SLC35F4: variants seen among roughly 807,000 people sequenced by gnomAD.
The protein encoded by SLC35F4 is solute carrier family 35 member F4.
Under a neutral mutation model 44.2 loss-of-function variants are expected in SLC35F4, and 24 were observed. The ratio of observed to expected loss-of-function variants is 0.54; its 90% confidence interval spans 0.39 to 0.76. The LOEUF (loss-of-function observed/expected upper bound fraction) is 0.76, where lower values mean the gene tolerates loss of function less well. Among genes scored for constraint, SLC35F4 ranks in the 30% least tolerant of loss-of-function variants. SLC35F4 has a pLI of 0.00. For synonymous variants in SLC35F4, 238 were observed against 223.6 expected, an observed-to-expected ratio of 1.06 and a Z score of -0.57; for missense variants, 562 against 586.1, an observed-to-expected ratio of 0.96 and a Z score of 0.42.
At chr14:57,656,202 C>CGT (rs995028726) in intron 1 of SLC35F4, among the ~76,000 whole-genome samples, 12 of 151,704 alleles carry the variant, frequency 7.9e-5, no homozygotes, top group Admixed American at 4.6e-4. Flanking sequence ...CTACTGGTTT[C>CGT]GTGTGTGTGT....
chr14:57,608,792 GGGGGCGGC>G (rs1204749619), intron 1 of SLC35F4, among the ~76,000 whole-genome samples: 1 of 22,302 alleles, frequency 4.5e-5, no homozygotes, highest in African/African-American at 7.2e-5. Context: ...ATGGCCGGGG[GGGGGCGGC>G]GGGGGGAGAG....
At chr14:57,885,755 G>T (rs943757479) in intron 1 of SLC35F4, among the ~76,000 whole-genome samples, 2 of 152,258 alleles carry the variant, frequency 1.3e-5, no homozygotes, top group East Asian at 3.9e-4. Flanking sequence ...AGAAAGCGCT[G>T]GTGTAGACTG....
chr14:57,702,874 G>A (rs1024562394), intron 1 of SLC35F4, among the ~76,000 whole-genome samples: 1 of 152,146 alleles, frequency 6.6e-6, no homozygotes, highest in African/African-American at 2.4e-5. Flanking sequence ...TAAAGGCAGT[G>A]GACAGTGGCC....
At chr14:57,761,084 C>T (rs1036925940) in intron 1 of SLC35F4, among the ~76,000 whole-genome samples, 2 of 152,170 alleles carry the variant, frequency 1.3e-5, no homozygotes, top group Admixed American at 1.3e-4. Flanking sequence ...AGGAAACTCT[C>T]TCTCCAGGAA....
chr14:57,676,471 G>C (rs1047609953), intron 1 of SLC35F4, among the ~76,000 whole-genome samples: 1 of 151,994 alleles, frequency 6.6e-6, no homozygotes, highest in Admixed American at 6.6e-5. Flanking sequence ...ATGCCTGCAG[G>C]GCTTAATACC....
downstream of SLC35F4, among the ~76,000 whole-genome samples, chr14:57,973,955 C>T (rs535308261): frequency 3.9e-5 from 6 of 152,254 alleles, no homozygotes; most frequent in East Asian, 3.9e-4. Flanking sequence ...CTCTCCAAAA[C>T]GGAGAGTACT....
chr14:57,696,865 C>G (rs1594819194), intron 1 of SLC35F4, among the ~76,000 whole-genome samples: 3 of 152,072 alleles, frequency 2.0e-5, no homozygotes, highest in African/African-American at 7.2e-5. Flanking sequence ...GGGAACTGAA[C>G]AATGAGAACA....
intron 6 of SLC35F4, 49 bp from the exon 7 acceptor site, chr14:57,566,613 G>A: frequency 6.6e-7 from 1 of 1,514,034 alleles, no homozygotes; most frequent in East Asian, 2.4e-5. Flanking sequence ...TAATACGCTG[G>A]ACTTTTTTCT....
upstream of SLC35F4, among the ~76,000 whole-genome samples, chr14:57,870,468 G>A (rs988986253): frequency 1.3e-5 from 2 of 152,044 alleles, no homozygotes; most frequent in African/African-American, 4.8e-5. Flanking sequence ...CCTATATAGT[G>A]GAACTATCAT....
intron 1 of SLC35F4, among the ~76,000 whole-genome samples, chr14:57,898,904 G>C (rs1888941759): frequency 6.6e-6 from 1 of 152,146 alleles, no homozygotes; most frequent in Non-Finnish European, 1.5e-5. Flanking sequence ...AAAGGGGTTG[G>C]AGTCTCCAGA....
chr14:57,654,199 G>T (rs886924368), intron 1 of SLC35F4, among the ~76,000 whole-genome samples: 2 of 152,086 alleles, frequency 1.3e-5, no homozygotes, highest in Non-Finnish European at 2.9e-5. Flanking sequence ...ACATGAATTA[G>T]TTCTTTAGTG....
At chr14:57,859,858 A>G (rs778566765) in intron 1 of SLC35F4, among the ~76,000 whole-genome samples, 2 of 152,236 alleles carry the variant, frequency 1.3e-5, no homozygotes, top group Admixed American at 1.3e-4. Flanking sequence ...TTGGTTTGAT[A>G]TAGACATTAG....
At chr14:57,790,606 G>C (rs1408295952) in intron 1 of SLC35F4, among the ~76,000 whole-genome samples, 2 of 152,120 alleles carry the variant, frequency 1.3e-5, no homozygotes, top group Non-Finnish European at 1.5e-5. Flanking sequence ...AGCTACCATT[G>C]ACTTTCTTCA....
intron 1 of SLC35F4, among the ~76,000 whole-genome samples, chr14:57,708,112 G>A (rs2075723693): frequency 1.3e-5 from 2 of 152,254 alleles, no homozygotes; most frequent in Middle Eastern, 3.4e-3. Flanking sequence ...GGGATAACAT[G>A]ACTATTGTAA....
intron 1 of SLC35F4, among the ~76,000 whole-genome samples, chr14:57,706,360 TA>T (rs2075676225): frequency 6.6e-6 from 1 of 152,170 alleles, no homozygotes. Flanking sequence ...GCTGAAAATG[TA>T]ACTTCAAAAA....
intron 1 of SLC35F4, among the ~76,000 whole-genome samples, chr14:57,937,586 G>A (rs868861745): frequency 1.8e-4 from 20 of 114,072 alleles, no homozygotes; most frequent in African/African-American, 3.8e-4. Flanking sequence ...GAAAAGAAAA[G>A]AAAGAAAAGA....
At chr14:57,690,137 C>G (rs2075186492) in intron 1 of SLC35F4, among the ~76,000 whole-genome samples, 1 of 152,172 alleles carries the variant, frequency 6.6e-6, no homozygotes, top group Non-Finnish European at 1.5e-5. Context: ...ACCAAGTCAG[C>G]ATCTCATGGA....
intron 4 of SLC35F4, among the ~76,000 whole-genome samples, chr14:57,574,771 G>A (rs577355834): frequency 1.3e-5 from 2 of 152,198 alleles, no homozygotes; most frequent in Non-Finnish European, 2.9e-5. Flanking sequence ...GGCTCTGCTT[G>A]GCACCACTGG....
chr14:57,921,829 G>A (rs546211187), intron 1 of SLC35F4, among the ~76,000 whole-genome samples: 40 of 152,292 alleles, frequency 2.6e-4, no homozygotes, highest in South Asian at 2.5e-3. Flanking sequence ...CCTATTTCCA[G>A]ATTAGGTCAC....
Sources: gnomAD v4.1 joint callset for allele counts (sites outside exome capture counted in the v4.1 genomes callset) on GRCh38, gnomAD v4.1.1 for gene constraint, MANE v1.5 for transcripts, NCBI Gene and HGNC (gene_info 2026-07-23, HGNC 2026-07-21) for gene names.